Variants in PTPRD observed in about 807,000 individuals in gnomAD.
PTPRD encodes the protein protein tyrosine phosphatase receptor type D.
A neutral mutation model predicts 214.5 loss-of-function variants in PTPRD; 34 were observed. That is an observed-to-expected ratio of 0.16 (90% CI 0.12 to 0.21). PTPRD has a LOEUF of 0.21. Among genes scored for constraint, PTPRD ranks in the 10% least tolerant of loss-of-function variants. The pLI is 1.00. For missense variants in PTPRD, 2,545 were observed against 2,398.7 expected, an observed-to-expected ratio of 1.06 and a Z score of -1.27; for synonymous variants, 1,128 against 845.7, an observed-to-expected ratio of 1.33 and a Z score of -5.79.
At chr9:9,855,444 G>C (rs191102561) in intron 5 of PTPRD, among the ~76,000 whole-genome samples, 15 of 152,150 alleles carry the variant, frequency 9.9e-5, no homozygotes, top group Middle Eastern at 3.4e-3. Flanking sequence ...AAAAAGGAGA[G>C]GCTAGAATTG....
At chr9:9,167,560 G>A (rs1569557344) in intron 10 of PTPRD, among the ~76,000 whole-genome samples, 1 of 151,974 alleles carries the variant, frequency 6.6e-6, no homozygotes, top group Non-Finnish European at 1.5e-5. Flanking sequence ...TTCGAGACCA[G>A]CCTGATCAAC....
Position 9,847,834 on chromosome 9 carries a change from G to T in PTPRD, c.-367-80983C>A, listed in dbSNP as rs536367209. Among the ~76,000 whole-genome samples the T allele has an allele frequency of 4.7e-4, 72 of 152,176 alleles. 1 individual carries two copies. The highest frequency in any genetic ancestry group is 2.8e-3 in the Admixed American group (43 of 15,266). Reference sequence around the variant, plus strand: ...TGAGCCCTCAGGCTGGGAAATGAAAGTGCTTTGCCTTTCCACTGATCCAGC... The same window carrying T: ...TGAGCCCTCAGGCTGGGAAATGAAATTGCTTTGCCTTTCCACTGATCCAGC... On this transcript the variant is annotated intron_variant, in intron 5 of 45. Transcript: ENST00000381196.
chr9:8,767,949 A>G (rs1013909634), intron 11 of PTPRD, among the ~76,000 whole-genome samples: 1 of 152,246 alleles, frequency 6.6e-6, no homozygotes, highest in African/African-American at 2.4e-5. Context: ...GATAAAGAGG[A>G]AGTTTTACTC....
chr9:8,520,804 C>G (rs2097874642), intron 20 of PTPRD, among the ~76,000 whole-genome samples: 1 of 152,094 alleles, frequency 6.6e-6, no homozygotes. Flanking sequence ...AATAGTAGGG[C>G]TCACCAAAAA....
At chr9:8,702,358 T>A (rs538823159) in intron 12 of PTPRD, among the ~76,000 whole-genome samples, 1 of 152,190 alleles carries the variant, frequency 6.6e-6, no homozygotes, top group Non-Finnish European at 1.5e-5. Flanking sequence ...GTCTTTTTTT[T>A]ATACTTCTTG....
intron 2 of PTPRD, among the ~76,000 whole-genome samples, chr9:10,466,672 C>T (rs1269201078): frequency 7.2e-6 from 1 of 138,340 alleles, no homozygotes; most frequent in Non-Finnish European, 1.5e-5. Context: ...TTTATAACAA[C>T]GTGTATAGCT....
intron 7 of PTPRD, among the ~76,000 whole-genome samples, chr9:9,732,761 T>C (rs7852298): frequency 0.59 from 89,863 of 151,898 alleles, 29,121 homozygotes; most frequent in African/African-American, 0.85. Flanking sequence ...GGCTAAATAT[T>C]GACTAATACT....
At chr9:9,246,920 G>A (rs1007911215) in intron 9 of PTPRD, among the ~76,000 whole-genome samples, 1 of 152,008 alleles carries the variant, frequency 6.6e-6, no homozygotes, top group Admixed American at 6.6e-5. Context: ...CAGTACATTG[G>A]AAGGTCTCAG....
intron 14 of PTPRD, among the ~76,000 whole-genome samples, chr9:8,557,383 A>T (rs1044554143): frequency 2.3e-4 from 34 of 150,250 alleles, no homozygotes; most frequent in African/African-American, 8.5e-4. Context: ...AGTCCATTCC[A>T]ATTTTGAAAC....
chr9:9,807,453 T>C (rs2153529259), intron 5 of PTPRD, among the ~76,000 whole-genome samples: 1 of 152,218 alleles, frequency 6.6e-6, no homozygotes, highest in Admixed American at 6.5e-5. Context: ...AGGAAGCTTG[T>C]GGGAAGATTT....
At chr9:10,340,754 C>A (rs2096923674) in intron 3 of PTPRD, among the ~76,000 whole-genome samples, 1 of 151,834 alleles carries the variant, frequency 6.6e-6, no homozygotes, top group Admixed American at 6.6e-5. Context: ...CAGAAGATTC[C>A]ATAATTCACT....
At chr9:9,417,306 A>G (rs942458561) in intron 8 of PTPRD, among the ~76,000 whole-genome samples, 2 of 152,172 alleles carry the variant, frequency 1.3e-5, no homozygotes, top group African/African-American at 4.8e-5. Flanking sequence ...TCAGATTGAT[A>G]TAGATTCATT....
chr9:9,819,418 T>C (rs2049942772), intron 5 of PTPRD, among the ~76,000 whole-genome samples: 1 of 152,198 alleles, frequency 6.6e-6, no homozygotes, highest in Non-Finnish European at 1.5e-5. Context: ...TCACCTTTGG[T>C]TTAAGGACAT....
rs376399951 is a variant in PTPRD, at chr9:8,335,739, A to G, written c.5379+3183T>C. On this transcript the variant is annotated intron_variant, in intron 43 of 45. Coordinates refer to ENST00000381196, the MANE Select transcript of PTPRD (RefSeq NM_002839.4). ...CAGATGACATGATTGTATATTTAGA[A>G]GACCCCATTGTCTCAGCCCCAAATC... Among the ~76,000 whole-genome samples the G allele has an allele frequency of 1.1e-3, 164 of 152,332 alleles. 1 individual carries two copies. The highest frequency in any genetic ancestry group is 4.9e-3 in the Admixed American group (75 of 15,294).
At chr9:8,605,853 C>G (rs2095177302) in intron 14 of PTPRD, among the ~76,000 whole-genome samples, 1 of 152,148 alleles carries the variant, frequency 6.6e-6, no homozygotes, top group Non-Finnish European at 1.5e-5. Context: ...ATCCTACCAG[C>G]TATTACAGCC....
intron 3 of PTPRD, among the ~76,000 whole-genome samples, chr9:10,112,785 A>T (rs1165240918): frequency 2.0e-5 from 3 of 152,242 alleles, no homozygotes; most frequent in Non-Finnish European, 2.9e-5. Context: ...TGATTTTTAT[A>T]CATGTTTCCC....
intron 12 of PTPRD, among the ~76,000 whole-genome samples, chr9:8,691,178 A>G (rs1240131740): frequency 6.6e-6 from 1 of 152,172 alleles, no homozygotes; most frequent in East Asian, 1.9e-4. Flanking sequence ...CTGTTCTAAA[A>G]TATGTACTAA....
At chr9:9,060,665 T>C (rs148416445) in intron 10 of PTPRD, among the ~76,000 whole-genome samples, 3 of 151,682 alleles carry the variant, frequency 2.0e-5, no homozygotes, top group African/African-American at 2.4e-5. Context: ...GCCAATCCAA[T>C]AGAAAAAAAA....
rs550736108 is a variant in PTPRD at position 9,010,852 on chromosome 9, T to C, written c.-104+7845A>G. 7.2e-5 allele frequency among the ~76,000 whole-genome samples: 11 copies of C among 152,292 alleles called. No homozygotes were observed. In the South Asian group the frequency reaches 2.1e-3, roughly 29 times the overall value. ...GGATTGTCATGTGATCATTTTTACATGTGAGATGGGCTAGTGATTGGCAGA... is the reference window on the plus strand; with the variant it reads ...GGATTGTCATGTGATCATTTTTACACGTGAGATGGGCTAGTGATTGGCAGA... On this transcript the variant is annotated intron_variant, in intron 11 of 45. Transcript: ENST00000381196.
Sources: allele counts gnomAD v4.1 joint callset (sites outside exome capture counted in the v4.1 genomes callset), GRCh38; gene constraint gnomAD v4.1.1; transcripts MANE v1.5; gene names NCBI Gene and HGNC (gene_info 2026-07-23, HGNC 2026-07-21).